The following CAMSAP2 variants were observed in gnomAD, a reference collection of about 807,000 sequenced individuals.
CAMSAP2 encodes calmodulin-regulated spectrin-associated protein 2.
Under a neutral mutation model 146.1 loss-of-function variants are expected in CAMSAP2, and 26 were observed. The ratio of observed to expected loss-of-function variants is 0.18; its 90% confidence interval spans 0.13 to 0.25. The LOEUF is 0.25. Ranked by LOEUF, CAMSAP2 falls within the 10% of genes least tolerant of loss-of-function variation. The pLI is 1.00. For missense variants in CAMSAP2, 1,381 were observed against 1,759.3 expected, an observed-to-expected ratio of 0.78 and a Z score of 3.85; for synonymous variants, 499 against 596.6, an observed-to-expected ratio of 0.84 and a Z score of 2.38.
intron 2 of CAMSAP2, among the ~76,000 whole-genome samples, chr1:200,788,896 C>T (rs1346687768): frequency 2.0e-5 from 3 of 151,896 alleles, no homozygotes; most frequent in Non-Finnish European, 1.5e-5. Flanking sequence ...GGGTGATCCG[C>T]CCACCTCAGC....
chr1:200,778,869 T>G (rs1665355649), intron 2 of CAMSAP2, among the ~76,000 whole-genome samples: 1 of 152,222 alleles, frequency 6.6e-6, no homozygotes, highest in Non-Finnish European at 1.5e-5. Flanking sequence ...CCAAGCCATT[T>G]TTTTTGCAAG....
chr1:200,819,785 A>G (rs1204297055), intron 4 of CAMSAP2, among the ~76,000 whole-genome samples: 1 of 152,214 alleles, frequency 6.6e-6, no homozygotes, highest in African/African-American at 2.4e-5. Flanking sequence ...AGACTTTTCT[A>G]TATGTATATT....
At position 200,831,079 on chromosome 1, in the gene CAMSAP2, T is replaced by C. The variant is rs550324050; in HGVS notation, c.646-1121T>C. 6.6e-5 allele frequency among the ~76,000 whole-genome samples: 10 copies of C among 152,312 alleles called. No homozygotes were observed. In the South Asian group the frequency reaches 1.7e-3, roughly 25 times the overall value. On this transcript the variant is annotated intron_variant, in intron 4 of 16. Coordinates refer to ENST00000358823, the MANE Select transcript of CAMSAP2 (RefSeq NM_203459.4). Reference sequence around the variant, plus strand: ...ATAATTATATTTTAATTCTAAACTATAGAGATGACCAATTTAGATGGAATT... The same window carrying C: ...ATAATTATATTTTAATTCTAAACTACAGAGATGACCAATTTAGATGGAATT...
intron 2 of CAMSAP2, among the ~76,000 whole-genome samples, chr1:200,770,421 C>CTT (rs11392023): frequency 4.2e-4 from 61 of 143,538 alleles, no homozygotes; most frequent in Middle Eastern, 3.6e-3. Flanking sequence ...CCTACTATTT[C>CTT]TTTTTTTTTT....
At chr1:200,819,636 A>T (rs1480980495) in intron 4 of CAMSAP2, among the ~76,000 whole-genome samples, 2 of 151,852 alleles carry the variant, frequency 1.3e-5, no homozygotes, top group Admixed American at 1.3e-4. Context: ...GTTTTTTTTT[A>T]ATCTGTAAAA....
chr1:200,787,870 A>G (rs1433805972), intron 2 of CAMSAP2, among the ~76,000 whole-genome samples: 1 of 152,238 alleles, frequency 6.6e-6, no homozygotes, highest in African/African-American at 2.4e-5. Context: ...TCCACCATCA[A>G]AAATACTGTG....
intron 1 of CAMSAP2, among the ~76,000 whole-genome samples, chr1:200,759,303 G>A (rs569397666): frequency 2.0e-4 from 26 of 129,652 alleles, no homozygotes; most frequent in Admixed American, 1.9e-3. Context: ...TTTTGAGATA[G>A]AGTTTCACTC....
chr1:200,821,688 C>G (rs1238748240), intron 4 of CAMSAP2, among the ~76,000 whole-genome samples: 1 of 152,164 alleles, frequency 6.6e-6, no homozygotes, highest in Non-Finnish European at 1.5e-5. Flanking sequence ...CTAATATCAA[C>G]ATACCTTTTC....
In CAMSAP2 at chr1:200,817,589, A is replaced by T. The variant is rs147935356; in HGVS notation, c.645+1945A>T. The stretch of plus-strand genomic sequence containing the variant: ...TTTGGTTTAAAGTTTCTTCATTATT[A>T]CACAGTACTTCTATTATTTTGAGCT... On this transcript the variant is annotated intron_variant, in intron 4 of 16. Transcript: ENST00000358823. Among the ~76,000 whole-genome samples the T allele has an allele frequency of 1.2e-3, 190 of 152,316 alleles. 1 individual carries two copies. The highest frequency in any genetic ancestry group is 4.3e-3 in the African/African-American group (180 of 41,580).
At chr1:200,826,750 C>G (rs1666916097) in intron 4 of CAMSAP2, among the ~76,000 whole-genome samples, 1 of 152,176 alleles carries the variant, frequency 6.6e-6, no homozygotes, top group African/African-American at 2.4e-5. Context: ...GAAATTAGAA[C>G]TATTCCAGAA....
chr1:200,791,518 G>A lies in CAMSAP2; in HGVS notation c.400-15858G>A, dbSNP rs138307216. The stretch of plus-strand genomic sequence containing the variant: ...GCTATTGTCCCACACACAGGTCACC[G>A]ATGAGGCTCTGAGGCTTTGTTCATT... On this transcript the variant is annotated intron_variant, in intron 2 of 16. Coordinates refer to ENST00000358823, the MANE Select transcript of CAMSAP2 (RefSeq NM_203459.4). Among the ~76,000 whole-genome samples, 1,213 of 152,046 alleles carry A rather than the reference G, an allele frequency of 8.0e-3. 38 individuals carry two copies. Among genetic ancestry groups the A allele is most frequent in the Admixed American group, 0.058 (892 of 15,268 alleles).
chr1:200,777,796 C>T (rs976851398), intron 2 of CAMSAP2, among the ~76,000 whole-genome samples: 1 of 152,020 alleles, frequency 6.6e-6, no homozygotes, highest in African/African-American at 2.4e-5. Context: ...AAAAATTAGC[C>T]GGGCATGGTG....
At chr1:200,749,712 C>T (rs1664445970) in intron 1 of CAMSAP2, among the ~76,000 whole-genome samples, 4 of 152,056 alleles carry the variant, frequency 2.6e-5, no homozygotes, top group Admixed American at 2.0e-4. Context: ...CAAACTTTTT[C>T]ATCTTTATTT....
At chr1:200,776,434 C>T (rs566446186) in intron 2 of CAMSAP2, among the ~76,000 whole-genome samples, 4 of 152,298 alleles carry the variant, frequency 2.6e-5, no homozygotes, top group African/African-American at 9.6e-5. Context: ...CTTTATTTTC[C>T]TACGACAACC....
rs1244527207 is a variant in CAMSAP2, at chr1:200,853,338, G to T, written c.3666G>T (p.Arg1222Ser). The part of the protein sequence containing the change: ...EDERARREFI[R>S]QEYMRRKQLK... ...AGAGAGCACGCAGAGAATTTATTAGGCAAGAATATATGAGGCGGAAACAAC... is the reference window on the plus strand; with the variant it reads ...AGAGAGCACGCAGAGAATTTATTAGTCAAGAATATATGAGGCGGAAACAAC... Residue 1222 changes from arginine (R) to serine (S), a missense_variant, in exon 13 of 17, where the codon AGG (arginine) becomes AGT (serine). This residue lies in a region of CAMSAP2 where 560 missense variants were observed against 715.9 expected (regional missense o/e 0.78). Transcript: ENST00000358823. This position sits in a 1 kb window ranked among gnomAD's most constrained non-coding sequence, Gnocchi z 5.1. 1 of 1,613,780 alleles carries T rather than the reference G, an allele frequency of 6.2e-7. No individual in the cohort carries two copies. Among genetic ancestry groups the T allele is most frequent in the Admixed American group, 1.7e-5 (1 of 59,998 alleles).
At chr1:200,751,535 C>CAAAAAAAAA (rs35294926) in intron 1 of CAMSAP2, among the ~76,000 whole-genome samples, 2 of 41,604 alleles carry the variant, frequency 4.8e-5, no homozygotes, top group African/African-American at 1.7e-4. Context: ...GACTCCATCT[C>CAAAAAAAAA]AAAAAAAAAA....
intron 2 of CAMSAP2, among the ~76,000 whole-genome samples, chr1:200,791,124 C>T (rs914793516): frequency 7.2e-5 from 11 of 152,152 alleles, no homozygotes; most frequent in Non-Finnish European, 4.4e-5. Context: ...GGATTACAGG[C>T]GTGAGCCACT....
chr1:200,836,253 C>T (rs1667181581), intron 6 of CAMSAP2, among the ~76,000 whole-genome samples: 1 of 152,186 alleles, frequency 6.6e-6, no homozygotes, highest in Admixed American at 6.5e-5. Flanking sequence ...GATCCTCTCC[C>T]TCCTTTCACC....
chr1:200,848,743 G>A lies in CAMSAP2; in HGVS notation c.1974G>A (p.Arg658=). The A allele has an allele frequency of 6.2e-7, 1 of 1,614,112 alleles. No individual in the cohort carries two copies. The highest frequency in any genetic ancestry group is 8.5e-7 in the Non-Finnish European group (1 of 1,179,992). The stretch of plus-strand genomic sequence containing the variant: ...ATGATATTCGAACTGGCAACACCAG[G>A]GAAGCTTTGAGTCCTTGTCCAAGTA... ...QDYDIRTGNT[R]EALSPCPSTV... The change falls in exon 11 of 17, where the codon AGG becomes AGA. Residue 658 remains arginine (R), a synonymous_variant. Coordinates refer to ENST00000358823, the MANE Select transcript of CAMSAP2 (RefSeq NM_203459.4).
Sources: gnomAD v4.1 joint callset for allele counts (sites outside exome capture counted in the v4.1 genomes callset) on GRCh38, gnomAD v4.1.1 for gene constraint, gnomAD v4.1.1 regional missense constraint, Gnocchi (gnomAD v3.1) non-coding constraint, MANE v1.5 for transcripts, NCBI Gene and HGNC (gene_info 2026-07-23, HGNC 2026-07-21) for gene names.